CDH13: variants seen among roughly 807,000 people sequenced by gnomAD.
The protein encoded by CDH13 is cadherin-13.
Under a neutral mutation model 63.8 loss-of-function variants are expected in CDH13, and 24 were observed. The ratio of observed to expected loss-of-function variants is 0.38; its 90% confidence interval spans 0.27 to 0.53. The LOEUF (loss-of-function observed/expected upper bound fraction) is 0.53, where lower values mean the gene tolerates loss of function less well. Ranked by LOEUF, CDH13 falls within the 20% of genes least tolerant of loss-of-function variation. The pLI is 0.85. For missense variants in CDH13, 1,049 were observed against 903.1 expected (o/e 1.16, Z -2.07); for synonymous variants, 503 against 355.3 (o/e 1.42, Z -4.67).
intron 1 of CDH13, among the ~76,000 whole-genome samples, chr16:82,782,940 C>G (rs1470533718): frequency 1.3e-5 from 2 of 152,194 alleles, no homozygotes; most frequent in Non-Finnish European, 2.9e-5. Flanking sequence ...GGCAACTCTA[C>G]TTCCCAAACA....
At chr16:83,409,296 G>C (rs111871116) in intron 6 of CDH13, among the ~76,000 whole-genome samples, 17,404 of 152,200 alleles carry the variant, frequency 0.11, 1,284 homozygotes, top group Middle Eastern at 0.18. Context: ...ATTGAAGGCT[G>C]CTGCTAGGGA....
intron 5 of CDH13, among the ~76,000 whole-genome samples, chr16:83,246,330 A>AG (rs950061913): frequency 1.5e-4 from 23 of 151,942 alleles, no homozygotes; most frequent in African/African-American, 2.7e-4. Context: ...CCCCTGATTC[A>AG]GGGGGGGTCT....
At chr16:83,327,111 A>G (rs2090381369) in intron 5 of CDH13, among the ~76,000 whole-genome samples, 1 of 152,232 alleles carries the variant, frequency 6.6e-6, no homozygotes, top group South Asian at 2.1e-4. Context: ...AGGCAGGGAC[A>G]GATGGAATCA....
At chr16:83,547,913 A>G (rs944685142) in intron 7 of CDH13, among the ~76,000 whole-genome samples, 8 of 152,282 alleles carry the variant, frequency 5.3e-5, no homozygotes, top group African/African-American at 1.7e-4. Flanking sequence ...GGGGAGGGAA[A>G]TGGTATAAGA....
intron 6 of CDH13, among the ~76,000 whole-genome samples, chr16:83,445,131 C>T (rs1251051680): frequency 6.6e-6 from 1 of 152,024 alleles, no homozygotes; most frequent in Non-Finnish European, 1.5e-5. Flanking sequence ...GGTGTGACCT[C>T]CTTCCATGCC....
At position 83,049,323 on chromosome 16, in the gene CDH13, C is replaced by CACTTTTTTTTTTTTTTTTTTTTTTTT. The variant is rs1192950905; in HGVS notation, c.366+17105_366+17106insACTTTTTTTTTTTTTTTTTTTTTTTT. On this transcript the variant is annotated intron_variant, in intron 3 of 13. Transcript: ENST00000567109. ...CAATACTTGGGCATTTATGACTGGCCTCTTTTTTTTTTTTTTTTTTTTTGA... is the reference window on the plus strand; with the variant it reads ...CAATACTTGGGCATTTATGACTGGCCACTTTTTTTTTTTTTTTTTTTTTTTTTCTTTTTTTTTTTTTTTTTTTTTGA... Among the ~76,000 whole-genome samples the CACTTTTTTTTTTTTTTTTTTTTTTTT allele has an allele frequency of 2.9e-5, 2 of 68,988 alleles. 1 individual carries two copies. The highest frequency in any genetic ancestry group is 6.0e-5 in the Non-Finnish European group (2 of 33,128). 45.3% of individuals were successfully genotyped at this position (68,988 alleles called of 152,430 possible).
At chr16:83,532,463 G>C (rs745970258) in intron 7 of CDH13, among the ~76,000 whole-genome samples, 1 of 152,228 alleles carries the variant, frequency 6.6e-6, no homozygotes, top group South Asian at 2.1e-4. Flanking sequence ...CTGGATAAAT[G>C]AATATTTGTC....
At chr16:82,974,485 G>A (rs1909218330) in intron 2 of CDH13, among the ~76,000 whole-genome samples, 1 of 152,164 alleles carries the variant, frequency 6.6e-6, no homozygotes, top group Non-Finnish European at 1.5e-5. Context: ...CTGGATCACA[G>A]GTATGACAGG....
intron 5 of CDH13, among the ~76,000 whole-genome samples, chr16:83,320,968 GC>G (rs967243597): frequency 6.6e-6 from 1 of 152,196 alleles, no homozygotes. Context: ...TTTGGAAAAT[GC>G]TAAGTAATGA....
chr16:82,650,443 A>G (rs1029310817), intron 1 of CDH13, among the ~76,000 whole-genome samples: 1 of 152,120 alleles, frequency 6.6e-6, no homozygotes, highest in African/African-American at 2.4e-5. Flanking sequence ...TTATGCTCAT[A>G]TCATTGATGC....
chr16:82,701,366 A>T (rs143160714), intron 1 of CDH13, among the ~76,000 whole-genome samples: 1 of 152,230 alleles, frequency 6.6e-6, no homozygotes, highest in South Asian at 2.1e-4. Context: ...CATCCTGATT[A>T]CTAAGACTTT....
intron 4 of CDH13, among the ~76,000 whole-genome samples, chr16:83,138,106 A>G (rs1184044917): frequency 6.6e-6 from 1 of 152,156 alleles, no homozygotes; most frequent in African/African-American, 2.4e-5. Context: ...TGAGTGTTGC[A>G]TTAAAGATGT....
chr16:82,838,338 A>T (rs1324601308), intron 1 of CDH13, among the ~76,000 whole-genome samples: 1 of 152,148 alleles, frequency 6.6e-6, no homozygotes, highest in Non-Finnish European at 1.5e-5. Flanking sequence ...TTGTGTTATC[A>T]CTAGTGTCCA....
At chr16:82,918,348 A>G (rs1034679340) in intron 2 of CDH13, among the ~76,000 whole-genome samples, 1 of 152,170 alleles carries the variant, frequency 6.6e-6, no homozygotes. Flanking sequence ...GAATCTCTGC[A>G]CCAGTTTCTG....
intron 8 of CDH13, among the ~76,000 whole-genome samples, chr16:83,632,989 G>A (rs528199747): frequency 6.6e-6 from 1 of 151,970 alleles, no homozygotes; most frequent in African/African-American, 2.4e-5. Context: ...TCATGGCACT[G>A]GTGGGAGTGT....
intron 2 of CDH13, among the ~76,000 whole-genome samples, chr16:82,979,414 T>A (rs141384046): frequency 1.3e-5 from 2 of 152,170 alleles, no homozygotes; most frequent in Non-Finnish European, 2.9e-5. Context: ...TCTTGAATTA[T>A]AGTTCCTGTA....
chr16:82,961,437 T>G (rs933527465), intron 2 of CDH13, among the ~76,000 whole-genome samples: 1 of 152,040 alleles, frequency 6.6e-6, no homozygotes, highest in African/African-American at 2.4e-5. Flanking sequence ...TCTCCATACA[T>G]AATAAAATGA....
At chr16:83,021,787 A>C (rs1915372034) in intron 2 of CDH13, among the ~76,000 whole-genome samples, 1 of 152,220 alleles carries the variant, frequency 6.6e-6, no homozygotes, top group Non-Finnish European at 1.5e-5. Context: ...GAATACTCCC[A>C]GAACCTTATA....
chr16:82,767,693 C>T (rs1413393401), intron 1 of CDH13, among the ~76,000 whole-genome samples: 2 of 152,154 alleles, frequency 1.3e-5, no homozygotes, highest in Non-Finnish European at 2.9e-5. Context: ...AGCTCCAATC[C>T]CAAACTTTTC....
Sources: gnomAD v4.1 joint callset for allele counts (sites outside exome capture counted in the v4.1 genomes callset) on GRCh38, gnomAD v4.1.1 for gene constraint, MANE v1.5 for transcripts, NCBI Gene and HGNC (gene_info 2026-07-23, HGNC 2026-07-21) for gene names.